Variants in NTN1 observed in about 807,000 individuals in gnomAD.
NTN1 encodes netrin-1.
Under a neutral mutation model 54.2 loss-of-function variants are expected in NTN1, and 11 were observed. That is an observed-to-expected ratio of 0.20 (90% CI 0.13 to 0.34). The LOEUF (loss-of-function observed/expected upper bound fraction) is 0.34. NTN1 is among the 10% of genes least tolerant of loss of function. The pLI, the probability that NTN1 is intolerant of heterozygous loss-of-function variation, is 1.00. For missense variants in NTN1, 740 were observed against 893.1 expected (o/e 0.83, Z 2.18); for synonymous variants, 371 against 382.0 (o/e 0.97, Z 0.33).
chr17:9,010,662 G>C, the NTN1 span, among the ~76,000 whole-genome samples: 2 of 152,134 alleles, frequency 1.3e-5, no homozygotes, highest in African/African-American at 2.4e-5. Context: ...TCCCACAAAT[G>C]GTTGCTTAAA....
chr17:9,229,148 G>T (rs1333965299), intron 6 of NTN1, among the ~76,000 whole-genome samples: 1 of 133,642 alleles, frequency 7.5e-6, no homozygotes, highest in East Asian at 2.2e-4. Context: ...GACTGTGGCT[G>T]TTTGTGACTG....
intron 2 of NTN1, among the ~76,000 whole-genome samples, chr17:9,099,981 A>C (rs1042722664): frequency 1.7e-4 from 26 of 152,018 alleles, no homozygotes; most frequent in Non-Finnish European, 3.2e-4. Flanking sequence ...TTTTTATTTT[A>C]TTTTATTTTT....
At chr17:9,101,575 T>C (rs2092150409) in intron 2 of NTN1, among the ~76,000 whole-genome samples, 1 of 152,204 alleles carries the variant, frequency 6.6e-6, no homozygotes, top group East Asian at 1.9e-4. Flanking sequence ...ACTAATCCAG[T>C]CCAGGGCCCA....
At chr17:9,176,451 C>T (rs1244325047) in intron 3 of NTN1, 1 of 152,286 alleles carries the variant, frequency 6.6e-6, no homozygotes, top group Non-Finnish European at 1.5e-5. Flanking sequence ...ACTTCCTCTT[C>T]CTCAAGGCCA....
At chr17:9,024,586 C>T (rs905285181) in intron 2 of NTN1, among the ~76,000 whole-genome samples, 1 of 152,152 alleles carries the variant, frequency 6.6e-6, no homozygotes, top group Non-Finnish European at 1.5e-5. Context: ...TTAATTGTGT[C>T]ATGTTGTTGT....
At chr17:9,110,482 C>A (rs2092186604) in intron 2 of NTN1, among the ~76,000 whole-genome samples, 2 of 152,100 alleles carry the variant, frequency 1.3e-5, no homozygotes, top group South Asian at 2.1e-4. Flanking sequence ...GTTGGCCAGG[C>A]TGGTCTTGAG....
chr17:9,152,119 G>A (rs1279989139), intron 2 of NTN1, among the ~76,000 whole-genome samples: 1 of 152,126 alleles, frequency 6.6e-6, no homozygotes, highest in East Asian at 1.9e-4. Context: ...GTTCTTTTGC[G>A]CTTCACAATA....
At chr17:9,136,744 C>T (rs867706928) in intron 2 of NTN1, among the ~76,000 whole-genome samples, 3 of 152,184 alleles carry the variant, frequency 2.0e-5, no homozygotes, top group African/African-American at 4.8e-5. Flanking sequence ...TGAATTCCTC[C>T]TCCCTGCCCT....
Position 9,236,483 on chromosome 17 carries a change from A to C in NTN1, c.1487-3157A>C, listed in dbSNP as rs369707887. ...TGCATGGCAGGGGCTTGGCCCATGC[A>C]CTGCATATGTAGCTCATACTTGGTG... On this transcript the variant is annotated intron_variant, in intron 6 of 6. Coordinates refer to ENST00000173229, the MANE Select transcript of NTN1 (RefSeq NM_004822.3). Among the ~76,000 whole-genome samples, 35 of 152,366 alleles carry C rather than the reference A, an allele frequency of 2.3e-4. No homozygotes were observed. The East Asian group carries it at 5.2e-3, about 23-fold the overall frequency.
At chr17:9,046,871 T>C (rs114241407) in intron 2 of NTN1, among the ~76,000 whole-genome samples, 1,529 of 152,240 alleles carry the variant, frequency 0.01, 27 homozygotes, top group African/African-American at 0.032. Context: ...GCAATTCCAT[T>C]CCTAGATACA....
chr17:9,188,011 C>T (rs2092438920), intron 5 of NTN1, among the ~76,000 whole-genome samples: 1 of 152,198 alleles, frequency 6.6e-6, no homozygotes. Context: ...AGGGGCCGGG[C>T]AGCGGCTGTT....
chr17:9,221,114 T>TTCATC lies in NTN1; in HGVS notation c.1412-53_1412-49dup, dbSNP rs1175928477. 9 of 1,278,504 alleles carry TTCATC rather than the reference T, an allele frequency of 7.0e-6. No homozygotes were observed. Among genetic ancestry groups the TTCATC allele is most frequent in the Non-Finnish European group, 1.0e-5 (9 of 875,202 alleles). 79.2% of individuals were successfully genotyped at this position (1,278,504 alleles called of 1,614,324 possible). On this transcript the variant is annotated intron_variant, in intron 5 of 6. Coordinates refer to ENST00000173229, the MANE Select transcript of NTN1 (RefSeq NM_004822.3). The surrounding 1 kb of genome is among the most constrained non-coding windows in gnomAD (Gnocchi z 4.5). ...GCCTCCTACTCTGCCCGCCAGCCTA[T>TTCATC]TCATCGCCAGCCTAATTAGTTTTTG...
chr17:9,054,719 C>T (rs527615216), intron 2 of NTN1, among the ~76,000 whole-genome samples: 3 of 151,596 alleles, frequency 2.0e-5, no homozygotes, highest in East Asian at 2.0e-4. Flanking sequence ...TGGCAGGGGA[C>T]GACGAGGGGC....
At chr17:9,235,177 A>C (rs996941968) in intron 6 of NTN1, among the ~76,000 whole-genome samples, 4 of 151,566 alleles carry the variant, frequency 2.6e-5, no homozygotes, top group African/African-American at 9.7e-5. Flanking sequence ...GTTGGCTAGG[A>C]TGGTCTCGAA....
chr17:9,023,146 G>T lies in NTN1; in HGVS notation c.773G>T (p.Gly258Val). 6.4e-7 allele frequency: 1 copy of T among 1,564,852 alleles called. No individual in the cohort carries two copies. Among genetic ancestry groups the T allele is most frequent in the African/African-American group, 1.4e-5 (1 of 74,018 alleles). ...RVAFSRLHTFGDENEDDSELA... is the reference protein window; with the variant it reads ...RVAFSRLHTFVDENEDDSELA... ...GCCTTCAGCCGCCTGCACACGTTCG[G>T]CGACGAGAACGAGGACGACTCGGAG... Residue 258 changes from glycine (G) to valine (V), a missense_variant, in exon 2 of 7, where the codon GGC (glycine) becomes GTC (valine). Physicochemically the swap from Gly to Val is moderately radical, Grantham distance 109. Coordinates refer to ENST00000173229, the MANE Select transcript of NTN1 (RefSeq NM_004822.3).
At chr17:9,099,148 G>A (rs2314583) in intron 2 of NTN1, among the ~76,000 whole-genome samples, 123,342 of 152,248 alleles carry the variant, frequency 0.81, 50,347 homozygotes, top group East Asian at 0.96. Context: ...GCACGCTTGT[G>A]ATCCCAGCAC....
At chr17:9,172,222 G>A (rs935731050) in intron 3 of NTN1, among the ~76,000 whole-genome samples, 2 of 152,096 alleles carry the variant, frequency 1.3e-5, no homozygotes, top group African/African-American at 4.8e-5. Context: ...TCTAGGCGGG[G>A]TGCGGTGGCT....
At chr17:9,230,206 G>A (rs1285431100) in intron 6 of NTN1, among the ~76,000 whole-genome samples, 1 of 152,166 alleles carries the variant, frequency 6.6e-6, no homozygotes, top group East Asian at 1.9e-4. Flanking sequence ...TGTCTTGGAT[G>A]TGGGCAGAGA....
At chr17:9,090,899 C>T (rs2092108306) in intron 2 of NTN1, among the ~76,000 whole-genome samples, 1 of 152,146 alleles carries the variant, frequency 6.6e-6, no homozygotes. Context: ...CGGCCCCGCT[C>T]CTCCTTTCCA....
Sources: allele counts gnomAD v4.1 joint callset (sites outside exome capture counted in the v4.1 genomes callset), GRCh38; gene constraint gnomAD v4.1.1; non-coding constraint Gnocchi (gnomAD v3.1); transcripts MANE v1.5; gene names NCBI Gene and HGNC (gene_info 2026-07-23, HGNC 2026-07-21).